FBLN7: variants seen among roughly 807,000 people sequenced by gnomAD.
The protein encoded by FBLN7 is fibulin 7, also known as fibulin-7.
In FBLN7, 31 loss-of-function variants were observed where a neutral mutation model predicts 44.0. That is an observed-to-expected ratio of 0.70 (90% CI 0.53 to 0.95). The LOEUF (loss-of-function observed/expected upper bound fraction) is 0.95, where lower values mean the gene tolerates loss of function less well. Ranked by LOEUF, FBLN7 falls within the 40% of genes least tolerant of loss-of-function variation. The probability of loss-of-function intolerance (pLI) is 0.00; values close to 1 mark genes in which losing one functional copy is unlikely to be tolerated. For synonymous variants in FBLN7, 262 were observed against 253.4 expected, an observed-to-expected ratio of 1.03 and a Z score of -0.32; for missense variants, 573 against 618.5, an observed-to-expected ratio of 0.93 and a Z score of 0.78.
At position 112,181,896 on chromosome 2, in the gene FBLN7, G is replaced by C. The variant is rs1239911236; in HGVS notation, c.670+20G>C. The C allele has an allele frequency of 1.6e-5, 24 of 1,533,048 alleles. No individual in the cohort carries two copies. Among genetic ancestry groups the C allele is most frequent in the Non-Finnish European group, 2.1e-5 (24 of 1,145,348 alleles). 95.0% of individuals were successfully genotyped at this position (1,533,048 alleles called of 1,614,324 possible). On this transcript the variant is annotated intron_variant, in intron 5 of 7. Coordinates refer to ENST00000331203, the MANE Select transcript of FBLN7 (RefSeq NM_153214.3). ...GCCAGGGTAGGCGCGGGCTCCGCCA[G>C]GACACTGGGGACAGCACGGGGAGGA...
chr2:112,182,020 T>TC, intron 5 of FBLN7, 144 bp downstream of exon 5: 1 of 1,040,294 alleles, frequency 9.6e-7, no homozygotes, highest in Non-Finnish European at 1.3e-6. Flanking sequence ...GCATTATAGG[T>TC]AAGTGTTGAC....
At chr2:112,206,264 G>C in the FBLN7 span, among the ~76,000 whole-genome samples, 13 of 151,782 alleles carry the variant, frequency 8.6e-5, no homozygotes, top group African/African-American at 2.9e-4. Context: ...TCTCTCTTTT[G>C]CTCCTTATCA....
At chr2:112,234,507 A>T in the FBLN7 span, among the ~76,000 whole-genome samples, 22 of 152,026 alleles carry the variant, frequency 1.4e-4, 1 homozygote, top group African/African-American at 3.1e-4. Flanking sequence ...AATGAAAAAA[A>T]TTTTTTAAAT....
At chr2:112,208,405 CACAAAACAAA>C in the FBLN7 span, among the ~76,000 whole-genome samples, 1 of 152,088 alleles carries the variant, frequency 6.6e-6, no homozygotes, top group South Asian at 2.1e-4. Context: ...CATCTCAAAA[CACAAAACAAA>C]ACAAAACAAA....
At chr2:112,234,026 C>A in the FBLN7 span, 1 of 708,620 alleles carries the variant, frequency 1.4e-6, no homozygotes, top group Non-Finnish European at 2.1e-6. Context: ...CAGAATGAAA[C>A]AGCTTTAAAA....
the FBLN7 span, among the ~76,000 whole-genome samples, chr2:112,194,786 T>C: frequency 6.6e-6 from 1 of 152,256 alleles, no homozygotes; most frequent in Non-Finnish European, 1.5e-5. Context: ...CCCTGTGTCC[T>C]TTCAGTCTTC....
At chr2:112,236,014 G>T in the FBLN7 span, among the ~76,000 whole-genome samples, 1 of 151,912 alleles carries the variant, frequency 6.6e-6, no homozygotes, top group Non-Finnish European at 1.5e-5. Flanking sequence ...TAGGGAGGTG[G>T]TGGGTGGTGG....
At chr2:112,165,291 C>T (rs1682093633) in intron 3 of FBLN7, 120 bp downstream of exon 3, 5 of 1,272,680 alleles carry the variant, frequency 3.9e-6, no homozygotes, top group Non-Finnish European at 5.3e-6. Flanking sequence ...CATTCCTCAA[C>T]CACAGAACAG....
At chr2:112,224,973 C>T in the FBLN7 span, among the ~76,000 whole-genome samples, 5 of 152,086 alleles carry the variant, frequency 3.3e-5, no homozygotes, top group Middle Eastern at 3.2e-3. Flanking sequence ...CAGTGTCTCT[C>T]GGTTTTGTAA....
the FBLN7 span, among the ~76,000 whole-genome samples, chr2:112,205,747 G>A: frequency 9.2e-5 from 14 of 152,078 alleles, no homozygotes; most frequent in South Asian, 1.0e-3. Flanking sequence ...TTAAAATCCA[G>A]CTAGCATGAG....
At chr2:112,210,805 T>C in the FBLN7 span, among the ~76,000 whole-genome samples, 6 of 152,182 alleles carry the variant, frequency 3.9e-5, no homozygotes, top group Admixed American at 3.3e-4. Context: ...TATTCCCTAG[T>C]TGTGTCTTAA....
At chr2:112,173,554 AAGTC>A (rs1030604197) in intron 3 of FBLN7, among the ~76,000 whole-genome samples, 4 of 152,224 alleles carry the variant, frequency 2.6e-5, no homozygotes, top group African/African-American at 9.6e-5. Flanking sequence ...TAAAAGAAAA[AAGTC>A]AGGAAGGAAT....
chr2:112,142,235 A>G (rs913041341), intron 1 of FBLN7, among the ~76,000 whole-genome samples: 2 of 152,102 alleles, frequency 1.3e-5, no homozygotes, highest in Non-Finnish European at 2.9e-5. Flanking sequence ...TCTCTGCTCA[A>G]ATAAGTAATC....
Position 112,187,154 on chromosome 2 carries a change from G to A in FBLN7, c.968G>A (p.Cys323Tyr), listed in dbSNP as rs758493175. 1 of 1,614,044 alleles carries A rather than the reference G, an allele frequency of 6.2e-7. No homozygotes were observed. The highest frequency in any genetic ancestry group is 8.5e-7 in the Non-Finnish European group (1 of 1,180,022). The change falls in exon 8 of 8, where the codon TGC (cysteine) becomes TAC (tyrosine). Residue 323 changes from cysteine to tyrosine, a missense_variant. Coordinates refer to ENST00000331203, the MANE Select transcript of FBLN7 (RefSeq NM_153214.3). This position sits in a 1 kb window ranked among gnomAD's most constrained non-coding sequence, Gnocchi z 5.1. Reference sequence around the variant, plus strand: ...TCCAGCCAGTGTGAGCGGAACCCCTGCCCCATGGACAGCAGGCCCTGCCGC... The same window carrying A: ...TCCAGCCAGTGTGAGCGGAACCCCTACCCCATGGACAGCAGGCCCTGCCGC... Reference protein sequence around the residue: ...TSPFQCERNPCPMDSRPCRHL... With the variant: ...TSPFQCERNPYPMDSRPCRHL...
At chr2:112,158,058 C>T (rs911343928) in intron 1 of FBLN7, among the ~76,000 whole-genome samples, 3 of 151,980 alleles carry the variant, frequency 2.0e-5, no homozygotes, top group Non-Finnish European at 2.9e-5. Flanking sequence ...CCACCTCACC[C>T]GGATAATTTT....
chr2:112,182,666 C>T (rs1043678992), intron 5 of FBLN7, 125 bp from the exon 6 acceptor site: 7 of 1,244,824 alleles, frequency 5.6e-6, no homozygotes, highest in South Asian at 1.6e-5. Flanking sequence ...GGCGGCTGCC[C>T]GAGGCCCAGC....
At chr2:112,201,561 TC>T in the FBLN7 span, among the ~76,000 whole-genome samples, 1 of 152,112 alleles carries the variant, frequency 6.6e-6, no homozygotes, top group Admixed American at 6.5e-5. Flanking sequence ...GTAGGACACA[TC>T]CCAAAGAACA....
chr2:112,237,863 G>A, the FBLN7 span, among the ~76,000 whole-genome samples: 1 of 152,180 alleles, frequency 6.6e-6, no homozygotes, highest in South Asian at 2.1e-4. Context: ...CACCATGCCT[G>A]GCCAAAAATT....
chr2:112,219,768 A>G, the FBLN7 span, among the ~76,000 whole-genome samples: 1 of 152,108 alleles, frequency 6.6e-6, no homozygotes, highest in Non-Finnish European at 1.5e-5. Context: ...AGAGTTCTGC[A>G]GATGTCTACT....
Sources: allele counts gnomAD v4.1 joint callset (sites outside exome capture counted in the v4.1 genomes callset), GRCh38; gene constraint gnomAD v4.1.1; non-coding constraint Gnocchi (gnomAD v3.1); transcripts MANE v1.5; gene names NCBI Gene and HGNC (gene_info 2026-07-23, HGNC 2026-07-21).